Variants in OXR1 observed in about 807,000 individuals in gnomAD.
OXR1 encodes oxidation resistance protein 1.
OXR1 carries 41 observed loss-of-function variants against 104.6 expected under a neutral mutation model. The ratio of observed to expected loss-of-function variants is 0.39; its 90% CI spans 0.31 to 0.51. The LOEUF (loss-of-function observed/expected upper bound fraction) is 0.51. OXR1 is among the 20% of genes least tolerant of loss of function. The probability of loss-of-function intolerance (pLI) is 0.77; values close to 1 mark genes in which losing one functional copy is unlikely to be tolerated. For synonymous variants in OXR1, 348 were observed against 348.4 expected (o/e 1.00, Z 0.01); for missense variants, 955 against 1,031.9 (o/e 0.93, Z 1.02).
chr8:106,493,057 A>T (rs1811200431), intron 2 of OXR1, among the ~76,000 whole-genome samples: 1 of 152,210 alleles, frequency 6.6e-6, no homozygotes, highest in East Asian at 1.9e-4. Flanking sequence ...TTTTTTAAAA[A>T]AATTGAACTA....
intron 3 of OXR1, among the ~76,000 whole-genome samples, chr8:106,573,375 ACACACG>A (rs1817613257): frequency 7.3e-6 from 1 of 137,858 alleles, no homozygotes; most frequent in Non-Finnish European, 1.6e-5. Context: ...ACACACACAC[ACACACG>A]GAAAGCTTGA....
chr8:106,744,441 C>G (rs1460362980), intron 15 of OXR1, among the ~76,000 whole-genome samples: 17 of 152,094 alleles, frequency 1.1e-4, no homozygotes, highest in Admixed American at 1.1e-3. Context: ...GCACCAAACA[C>G]AAATTATGGA....
intron 3 of OXR1, among the ~76,000 whole-genome samples, chr8:106,620,326 ATCTT>A (rs1821599831): frequency 6.6e-6 from 1 of 151,778 alleles, no homozygotes; most frequent in African/African-American, 2.4e-5. Context: ...TTTTTTTTCA[ATCTT>A]TCTTTCTTGG....
intron 2 of OXR1, among the ~76,000 whole-genome samples, chr8:106,431,204 A>G (rs952769828): frequency 1.3e-5 from 2 of 152,148 alleles, no homozygotes; most frequent in African/African-American, 4.8e-5. Flanking sequence ...TGCAACAGAG[A>G]TGAATTGTCC....
At chr8:106,296,268 C>T (rs185202588) in intron 1 of OXR1, among the ~76,000 whole-genome samples, 45 of 152,180 alleles carry the variant, frequency 3.0e-4, no homozygotes, top group African/African-American at 1.1e-3. Context: ...GGTGAGTTCT[C>T]CAAAGATCTC....
intron 6 of OXR1, among the ~76,000 whole-genome samples, chr8:106,688,806 C>G (rs1174301688): frequency 3.3e-5 from 5 of 152,026 alleles, no homozygotes; most frequent in Admixed American, 2.6e-4. Context: ...CAGTCAAGGT[C>G]TAGATTCTGT....
intron 1 of OXR1, among the ~76,000 whole-genome samples, chr8:106,320,003 C>T (rs1814147828): frequency 6.6e-6 from 1 of 152,138 alleles, no homozygotes; most frequent in African/African-American, 2.4e-5. Flanking sequence ...GAGTGAAGTG[C>T]ACACTGTATA....
rs115408105 is a variant in OXR1 at position 106,420,935 on chromosome 8, T to G, written c.23+61299T>G. ...GGAAACTGCTACTAGAGAAGAAAAT[T>G]AACAAATGTAAGCAGAGTCAAGATC... is the stretch of plus-strand genomic sequence containing the variant. On this transcript the variant is annotated intron_variant, in intron 2 of 16. Transcript: ENST00000517566. 4.1e-3 allele frequency among the ~76,000 whole-genome samples: 621 copies of G among 152,182 alleles called. 3 individuals are homozygous for G. Among genetic ancestry groups the G allele is most frequent in the African/African-American group, 0.014 (589 of 41,522 alleles).
At chr8:106,694,483 ATT>A (rs1421376516) in intron 7 of OXR1, among the ~76,000 whole-genome samples, 5 of 113,352 alleles carry the variant, frequency 4.4e-5, no homozygotes, top group Admixed American at 1.8e-4. Context: ...TTATATATAT[ATT>A]TGATATATAA....
At chr8:106,404,360 G>A (rs1313501208) in intron 2 of OXR1, among the ~76,000 whole-genome samples, 1 of 152,140 alleles carries the variant, frequency 6.6e-6, no homozygotes, top group East Asian at 1.9e-4. Flanking sequence ...CCAACTTACA[G>A]GATCCCATTG....
chr8:106,426,982 C>T (rs1297732859), intron 2 of OXR1, among the ~76,000 whole-genome samples: 2 of 152,084 alleles, frequency 1.3e-5, no homozygotes, highest in African/African-American at 2.4e-5. Flanking sequence ...GAAATGGACT[C>T]ATCAGATATT....
intron 1 of OXR1, among the ~76,000 whole-genome samples, chr8:106,278,196 G>T (rs770340467): frequency 5.3e-5 from 8 of 152,108 alleles, no homozygotes; most frequent in Non-Finnish European, 1.2e-4. Context: ...CATTAGACTG[G>T]CTGGGTACAC....
chr8:106,390,492 C>T (rs757685063), intron 2 of OXR1, among the ~76,000 whole-genome samples: 11 of 152,154 alleles, frequency 7.2e-5, no homozygotes, highest in Admixed American at 6.5e-5. Context: ...TTATCGCCTA[C>T]TTTATGCATA....
intron 2 of OXR1, among the ~76,000 whole-genome samples, chr8:106,506,139 G>A (rs888404378): frequency 6.6e-6 from 1 of 152,192 alleles, no homozygotes; most frequent in Non-Finnish European, 1.5e-5. Context: ...GACTGTGTAG[G>A]TGCCTGCTGG....
intron 1 of OXR1, among the ~76,000 whole-genome samples, chr8:106,281,223 A>G (rs1812266370): frequency 6.6e-6 from 1 of 152,158 alleles, no homozygotes; most frequent in South Asian, 2.1e-4. Flanking sequence ...GCCCAGGTCC[A>G]TGGGGCCTAA....
chr8:106,290,340 AC>A (rs1035441344), intron 1 of OXR1, among the ~76,000 whole-genome samples: 1 of 152,210 alleles, frequency 6.6e-6, no homozygotes. Context: ...ATCTCAAGCT[AC>A]AAAAATCCTA....
intron 3 of OXR1, among the ~76,000 whole-genome samples, chr8:106,632,974 A>T (rs1043582585): frequency 2.6e-5 from 4 of 151,708 alleles, no homozygotes; most frequent in Non-Finnish European, 5.9e-5. Context: ...GGTGGCTCAC[A>T]CCTGTAATCC....
chr8:106,297,881 G>A (rs923164496), intron 1 of OXR1, among the ~76,000 whole-genome samples: 1 of 152,222 alleles, frequency 6.6e-6, no homozygotes, highest in Non-Finnish European at 1.5e-5. Flanking sequence ...AAAAAGTGGT[G>A]AGGGGACTTA....
chr8:106,540,912 C>G (rs1030427680), intron 3 of OXR1, among the ~76,000 whole-genome samples: 1 of 152,154 alleles, frequency 6.6e-6, no homozygotes, highest in African/African-American at 2.4e-5. Context: ...AAGTTCTTTC[C>G]ATGACACAGT....
Sources: allele counts gnomAD v4.1 joint callset (sites outside exome capture counted in the v4.1 genomes callset), GRCh38; gene constraint gnomAD v4.1.1; transcripts MANE v1.5; gene names NCBI Gene and HGNC (gene_info 2026-07-23, HGNC 2026-07-21).